The following GRM8 variants were observed in gnomAD, a reference collection of about 807,000 sequenced individuals.
GRM8 encodes the protein metabotropic glutamate receptor 8.
GRM8 carries 47 observed loss-of-function variants against 87.2 expected under a neutral mutation model. The observed-to-expected ratio is 0.54, with a 90% CI of 0.43 to 0.69. GRM8 has a LOEUF of 0.69. Ranked by LOEUF, GRM8 falls within the 30% of genes least tolerant of loss-of-function variation. GRM8 has a pLI of 0.00. For synonymous variants in GRM8, 396 were observed against 404.5 expected (o/e 0.98, Z 0.25); for missense variants, 1,019 against 1,139.2 (o/e 0.89, Z 1.52).
intron 6 of GRM8, among the ~76,000 whole-genome samples, chr7:126,858,326 T>C (rs1797859605): frequency 6.6e-6 from 1 of 152,190 alleles, no homozygotes; most frequent in African/African-American, 2.4e-5. Context: ...TCAGAATTTT[T>C]AAATTTACTC....
chr7:127,178,952 C>T (rs1794276244), intron 2 of GRM8, among the ~76,000 whole-genome samples: 1 of 151,764 alleles, frequency 6.6e-6, no homozygotes, highest in African/African-American at 2.4e-5. Context: ...AAACAAAAAG[C>T]AAAAAAATCA....
chr7:126,785,246 A>T (rs189842512), intron 6 of GRM8, among the ~76,000 whole-genome samples: 2 of 152,202 alleles, frequency 1.3e-5, no homozygotes, highest in Non-Finnish European at 2.9e-5. Flanking sequence ...TTTTAGGAAC[A>T]AGACAGACTC....
intron 2 of GRM8, among the ~76,000 whole-genome samples, chr7:127,193,107 G>A (rs547397849): frequency 1.3e-5 from 2 of 152,256 alleles, no homozygotes; most frequent in East Asian, 1.9e-4. Context: ...CATTTTCTAA[G>A]GATAAAACCA....
rs191567084 is a variant in GRM8 at position 126,499,089 on chromosome 7, C to T, written c.2430+33863G>A. Among the ~76,000 whole-genome samples the T allele has an allele frequency of 5.9e-5, 9 of 151,904 alleles. 1 individual carries two copies. The highest frequency in any genetic ancestry group is 3.9e-4 in the East Asian group (2 of 5,122). Reference sequence around the variant, plus strand: ...CAGAATTCATATTTATTATCTTTTCCGTTTATGAAGTTGTTGTCTCTCAAC... The same window carrying T: ...CAGAATTCATATTTATTATCTTTTCTGTTTATGAAGTTGTTGTCTCTCAAC... On this transcript the variant is annotated intron_variant, in intron 9 of 10. Coordinates refer to ENST00000339582, the MANE Select transcript of GRM8 (RefSeq NM_000845.3).
chr7:126,693,966 G>A (rs1281522476), intron 7 of GRM8, among the ~76,000 whole-genome samples: 1 of 151,228 alleles, frequency 6.6e-6, no homozygotes, highest in Non-Finnish European at 1.5e-5. Context: ...TTTGTAAATT[G>A]CTATTTTAAG....
intron 2 of GRM8, among the ~76,000 whole-genome samples, chr7:127,225,560 G>A (rs1000988576): frequency 3.3e-5 from 5 of 151,624 alleles, no homozygotes; most frequent in African/African-American, 1.2e-4. Context: ...AGAAAGAAAC[G>A]CAACAATTTG....
intron 3 of GRM8, among the ~76,000 whole-genome samples, chr7:126,929,326 T>C (rs780460468): frequency 3.3e-5 from 5 of 152,242 alleles, no homozygotes; most frequent in Non-Finnish European, 5.9e-5. Context: ...CCACATTCTA[T>C]AGCTGTGCTG....
chr7:126,744,187 G>A (rs1471931181), intron 7 of GRM8, among the ~76,000 whole-genome samples: 2 of 152,010 alleles, frequency 1.3e-5, no homozygotes, highest in Non-Finnish European at 2.9e-5. Context: ...AGGGGTGGGG[G>A]AGCATTTATA....
intron 7 of GRM8, among the ~76,000 whole-genome samples, chr7:126,704,267 A>G (rs1229092641): frequency 6.6e-6 from 1 of 152,168 alleles, no homozygotes; most frequent in Non-Finnish European, 1.5e-5. Flanking sequence ...TGAAGATTTC[A>G]TGGACACTTA....
At chr7:126,713,856 A>C (rs1049113570) in intron 7 of GRM8, among the ~76,000 whole-genome samples, 3 of 152,078 alleles carry the variant, frequency 2.0e-5, no homozygotes, top group Admixed American at 1.3e-4. Context: ...TCTAATCATC[A>C]CATTGTACAC....
At chr7:127,225,209 C>T (rs776222179) in intron 2 of GRM8, among the ~76,000 whole-genome samples, 5 of 152,200 alleles carry the variant, frequency 3.3e-5, no homozygotes, top group Non-Finnish European at 7.3e-5. Flanking sequence ...TTCTGCTGTT[C>T]TGGGGGTACA....
At chr7:127,017,583 C>T (rs1475798422) in intron 3 of GRM8, among the ~76,000 whole-genome samples, 1 of 152,054 alleles carries the variant, frequency 6.6e-6, no homozygotes, top group East Asian at 1.9e-4. Flanking sequence ...AAGAAGGTGT[C>T]ATCTTTTTCA....
intron 2 of GRM8, among the ~76,000 whole-genome samples, chr7:127,205,075 G>A (rs1287573134): frequency 6.6e-6 from 1 of 152,290 alleles, no homozygotes; most frequent in Middle Eastern, 3.4e-3. Flanking sequence ...AAACTGTGCT[G>A]ATCCTGATTG....
intron 7 of GRM8, among the ~76,000 whole-genome samples, chr7:126,751,598 T>TG (rs1172556637): frequency 2.0e-5 from 3 of 152,126 alleles, no homozygotes; most frequent in Non-Finnish European, 4.4e-5. Flanking sequence ...CCTCCTCCTG[T>TG]GGAGGTCTCC....
chr7:126,620,946 C>T (rs1022143688), intron 7 of GRM8, among the ~76,000 whole-genome samples: 2 of 152,048 alleles, frequency 1.3e-5, no homozygotes, highest in Non-Finnish European at 2.9e-5. Flanking sequence ...CTACCAAAAC[C>T]TTATTTTCCT....
chr7:126,691,593 C>T (rs1808820779), intron 7 of GRM8, among the ~76,000 whole-genome samples: 2 of 152,184 alleles, frequency 1.3e-5, no homozygotes, highest in South Asian at 4.1e-4. Context: ...CCACTCCAGA[C>T]AGGCCGTTGC....
intron 9 of GRM8, among the ~76,000 whole-genome samples, chr7:126,480,780 G>A (rs1272241884): frequency 6.6e-6 from 1 of 151,916 alleles, no homozygotes; most frequent in African/African-American, 2.4e-5. Context: ...ATGGTTTAGT[G>A]CATATACATG....
chr7:126,497,712 T>G (rs183849826), intron 9 of GRM8, among the ~76,000 whole-genome samples: 130 of 152,098 alleles, frequency 8.5e-4, no homozygotes, highest in Non-Finnish European at 1.5e-3. Context: ...ATGGTAAATG[T>G]AAAACTTAAG....
chr7:126,729,495 C>T lies in GRM8; in HGVS notation c.1357+40370G>A, dbSNP rs1386737680. Among the ~76,000 whole-genome samples, 6 of 152,152 alleles carry T rather than the reference C, an allele frequency of 3.9e-5. 1 individual carries two copies. Among genetic ancestry groups the T allele is most frequent in the South Asian group, 4.1e-4 (2 of 4,832 alleles). The stretch of plus-strand genomic sequence containing the variant: ...ACCCAGTTGCCCATATCCTATATGC[C>T]GTGTAATATATTTCTTCTCCTTTCT... On this transcript the variant is annotated intron_variant, in intron 7 of 10. Transcript: ENST00000339582.
Sources: gnomAD v4.1 joint callset for allele counts (sites outside exome capture counted in the v4.1 genomes callset) on GRCh38, gnomAD v4.1.1 for gene constraint, MANE v1.5 for transcripts, NCBI Gene and HGNC (gene_info 2026-07-23, HGNC 2026-07-21) for gene names.